KCNT2: variants seen among roughly 807,000 people sequenced by gnomAD.
KCNT2 encodes the protein potassium channel subfamily T member 2.
KCNT2 carries 67 observed loss-of-function variants against 153.8 expected under a neutral mutation model. The observed-to-expected ratio is 0.44, with a 90% CI of 0.36 to 0.53. The LOEUF is 0.53. KCNT2 is among the 20% of genes least tolerant of loss of function. The pLI, the probability that KCNT2 is intolerant of heterozygous loss-of-function variation, is 0.00. For synonymous variants in KCNT2, 500 were observed against 458.8 expected, an observed-to-expected ratio of 1.09 and a Z score of -1.15; for missense variants, 975 against 1,354.8, an observed-to-expected ratio of 0.72 and a Z score of 4.40.
intron 13 of KCNT2, among the ~76,000 whole-genome samples, chr1:196,396,396 C>A (rs1407165574): frequency 6.6e-6 from 1 of 151,564 alleles, no homozygotes; most frequent in Non-Finnish European, 1.5e-5. Context: ...TGCAAAATCA[C>A]ACGGCAACAG....
At chr1:196,392,943 G>A (rs934335609) in intron 13 of KCNT2, among the ~76,000 whole-genome samples, 8 of 151,458 alleles carry the variant, frequency 5.3e-5, no homozygotes, top group African/African-American at 1.9e-4. Flanking sequence ...AACTCCTACT[G>A]TTCTGGTATA....
intron 25 of KCNT2, among the ~76,000 whole-genome samples, chr1:196,278,336 T>C (rs1342094309): frequency 6.6e-6 from 1 of 152,182 alleles, no homozygotes; most frequent in Non-Finnish European, 1.5e-5. Context: ...GTTGCCTCAA[T>C]TCTTTCTACA....
chr1:196,370,452 G>C (rs1668423952), intron 14 of KCNT2, among the ~76,000 whole-genome samples: 1 of 152,046 alleles, frequency 6.6e-6, no homozygotes, highest in Non-Finnish European at 1.5e-5. Flanking sequence ...ATGTTATATT[G>C]TAAGAGTTTT....
chr1:196,526,308 T>C (rs1265856241), intron 1 of KCNT2, among the ~76,000 whole-genome samples: 1 of 150,918 alleles, frequency 6.6e-6, no homozygotes, highest in Non-Finnish European at 1.5e-5. Flanking sequence ...TTATAATATA[T>C]AAATCATATA....
At chr1:196,599,752 A>G (rs1008661099) in intron 1 of KCNT2, among the ~76,000 whole-genome samples, 2 of 152,194 alleles carry the variant, frequency 1.3e-5, no homozygotes, top group African/African-American at 4.8e-5. Context: ...TATTTCTCAG[A>G]AAAGACTAAG....
At chr1:196,545,009 A>G (rs918095951) in intron 1 of KCNT2, among the ~76,000 whole-genome samples, 3 of 152,094 alleles carry the variant, frequency 2.0e-5, no homozygotes, top group African/African-American at 4.8e-5. Context: ...AAAAGGGGGA[A>G]AAAACATTAA....
At chr1:196,286,093 C>CAT (rs1489296198) in intron 22 of KCNT2, among the ~76,000 whole-genome samples, 1 of 151,798 alleles carries the variant, frequency 6.6e-6, no homozygotes, top group Non-Finnish European at 1.5e-5. Context: ...CACGATGTAC[C>CAT]ATAACACTGA....
intron 1 of KCNT2, among the ~76,000 whole-genome samples, chr1:196,575,423 C>G (rs1661238927): frequency 6.6e-6 from 1 of 151,830 alleles, no homozygotes; most frequent in South Asian, 2.1e-4. Flanking sequence ...TAAACTATGT[C>G]CCTTGACTCT....
At chr1:196,228,834 T>C (rs930848992) in intron 27 of KCNT2, among the ~76,000 whole-genome samples, 2 of 152,098 alleles carry the variant, frequency 1.3e-5, no homozygotes, top group African/African-American at 4.8e-5. Flanking sequence ...TTCTATAGTC[T>C]TTTCAATTTA....
At chr1:196,374,333 G>T (rs1164893220) in intron 13 of KCNT2, among the ~76,000 whole-genome samples, 1 of 151,748 alleles carries the variant, frequency 6.6e-6, no homozygotes, top group Non-Finnish European at 1.5e-5. Flanking sequence ...TTTAGCAAAT[G>T]CTCTGGACAA....
chr1:196,479,742 A>G (rs1044119916), intron 4 of KCNT2, among the ~76,000 whole-genome samples: 4 of 152,216 alleles, frequency 2.6e-5, no homozygotes, highest in Admixed American at 6.5e-5. Context: ...ATAAAATCAC[A>G]TGTGACTGTC....
At chr1:196,523,889 C>G (rs1653827405) in intron 1 of KCNT2, among the ~76,000 whole-genome samples, 1 of 152,116 alleles carries the variant, frequency 6.6e-6, no homozygotes, top group Non-Finnish European at 1.5e-5. Flanking sequence ...TAAAATGTTG[C>G]AAAAGATTAA....
At chr1:196,370,912 T>C (rs1668472487) in intron 14 of KCNT2, among the ~76,000 whole-genome samples, 2 of 152,034 alleles carry the variant, frequency 1.3e-5, no homozygotes. Flanking sequence ...GAATGAACCT[T>C]GAAAAACATT....
chr1:196,290,299 T>C (rs540435980), intron 22 of KCNT2, among the ~76,000 whole-genome samples: 1 of 152,192 alleles, frequency 6.6e-6, no homozygotes, highest in East Asian at 1.9e-4. Context: ...GCTCTGTCTT[T>C]TCACATCACT....
intron 13 of KCNT2, among the ~76,000 whole-genome samples, chr1:196,396,796 A>C (rs533087732): frequency 1.3e-5 from 2 of 151,684 alleles, no homozygotes; most frequent in East Asian, 3.9e-4. Flanking sequence ...AATAATGACA[A>C]AATGAGAATC....
chr1:196,430,716 C>A (rs911228079), intron 8 of KCNT2, among the ~76,000 whole-genome samples: 1 of 151,888 alleles, frequency 6.6e-6, no homozygotes, highest in Admixed American at 6.6e-5. Flanking sequence ...AAGAGAGCAG[C>A]GTAAAAGTTG....
At chr1:196,400,727 G>T (rs1276746405) in intron 12 of KCNT2, among the ~76,000 whole-genome samples, 1 of 151,700 alleles carries the variant, frequency 6.6e-6, no homozygotes, top group Non-Finnish European at 1.5e-5. Context: ...GAAGAGGCCA[G>T]GACGTCTATC....
intron 21 of KCNT2, among the ~76,000 whole-genome samples, chr1:196,315,075 T>A (rs1662573951): frequency 6.6e-6 from 1 of 151,712 alleles, no homozygotes; most frequent in Non-Finnish European, 1.5e-5. Flanking sequence ...AACCTCAATA[T>A]ATGCTTTACT....
chr1:196,388,293 C>A (rs956046870), intron 13 of KCNT2, among the ~76,000 whole-genome samples: 1 of 151,660 alleles, frequency 6.6e-6, no homozygotes, highest in Non-Finnish European at 1.5e-5. Context: ...TTCATGCTGT[C>A]TTTAATACTT....
Sources: gnomAD v4.1 joint callset for allele counts (sites outside exome capture counted in the v4.1 genomes callset) on GRCh38, gnomAD v4.1.1 for gene constraint, MANE v1.5 for transcripts, NCBI Gene and HGNC (gene_info 2026-07-23, HGNC 2026-07-21) for gene names.